The following MMD2 variants were observed in gnomAD, a reference collection of about 807,000 sequenced individuals.
MMD2 encodes monocyte to macrophage differentiation factor 2.
Under a neutral mutation model 33.5 loss-of-function variants are expected in MMD2, and 30 were observed. That is an observed-to-expected ratio of 0.90 (90% CI 0.67 to 1.22). The LOEUF (loss-of-function observed/expected upper bound fraction) is 1.22. Among genes scored for constraint, MMD2 ranks in the 50% most tolerant of loss-of-function variants. The probability of loss-of-function intolerance (pLI) is 0.00; values close to 1 mark genes in which losing one functional copy is unlikely to be tolerated. For missense variants in MMD2, 364 were observed against 325.4 expected, an observed-to-expected ratio of 1.12 and a Z score of -0.91; for synonymous variants, 129 against 123.0, an observed-to-expected ratio of 1.05 and a Z score of -0.32.
chr7:4,930,320 C>T (rs1486668342), intron 1 of MMD2, among the ~76,000 whole-genome samples: 54 of 146,902 alleles, frequency 3.7e-4, no homozygotes, highest in African/African-American at 1.3e-3. Context: ...GGTGGGCCCC[C>T]ATCCAATATG....
chr7:4,921,074 G>C (rs906783873), intron 2 of MMD2, among the ~76,000 whole-genome samples: 1 of 152,118 alleles, frequency 6.6e-6, no homozygotes, highest in Non-Finnish European at 1.5e-5. Context: ...GGACAGTGCA[G>C]GTCTAGATCT....
chr7:4,910,086 A>G (rs1232438839), intron 5 of MMD2, 136 bp from the exon 6 acceptor site: 36 of 1,584,602 alleles, frequency 2.3e-5, no homozygotes, highest in Non-Finnish European at 3.1e-5. Flanking sequence ...TCTGTCCAGC[A>G]CGCCTTGGCT....
Position 4,907,453 on chromosome 7 carries a change from A to G in MMD2, c.684T>C (p.Tyr228=). 1.2e-6 allele frequency: 2 copies of G among 1,614,016 alleles called. No individual in the cohort carries two copies. The highest frequency in any genetic ancestry group is 1.1e-5 in the South Asian group (1 of 91,084). The change falls in exon 7 of 7, where the codon TAT becomes TAC. Residue 228 remains tyrosine, a synonymous_variant. Transcript: ENST00000401401. Reference sequence around the variant, plus strand: ...GCAGATAGAGGTACCTCCAGATGGCATAGTAGTGGGTACCAGCACCAAATG... The same window carrying G: ...GCAGATAGAGGTACCTCCAGATGGCGTAGTAGTGGGTACCAGCACCAAATG... The part of the protein sequence containing the change: ...FVAFGAGTHY[Y]AIWRYLYLPS...
intron 1 of MMD2, among the ~76,000 whole-genome samples, chr7:4,936,319 A>G (rs920092319): frequency 6.6e-6 from 1 of 152,200 alleles, no homozygotes; most frequent in African/African-American, 2.4e-5. Flanking sequence ...TAAAACACAC[A>G]CACACCCCAA....
intron 1 of MMD2, among the ~76,000 whole-genome samples, chr7:4,945,185 T>TTTCTTCTTCTTCTTCTTCTTCCTCTTC (rs1786026777): frequency 1.1e-5 from 1 of 93,480 alleles, no homozygotes; most frequent in African/African-American, 4.0e-5. Flanking sequence ...CCTCTTCCTC[T>TTTCTTCTTCTTCTTCTTCTTCCTCTTC]TTCTTCTTCT....
intron 1 of MMD2, among the ~76,000 whole-genome samples, chr7:4,945,184 C>CT (rs773017991): frequency 3.2e-5 from 1 of 31,624 alleles, no homozygotes; most frequent in East Asian, 1.4e-3. Context: ...TCCTCTTCCT[C>CT]TTTCTTCTTC....
chr7:4,893,364 TTTTATTTATTTATTTA>T, the MMD2 span, among the ~76,000 whole-genome samples: 26 of 143,050 alleles, frequency 1.8e-4, no homozygotes, highest in African/African-American at 4.4e-4. Flanking sequence ...TGGTTATTTC[TTTTATTTATTTATTTA>T]TTTATTTATT....
chr7:4,915,118 A>C (rs774144140), intron 4 of MMD2, among the ~76,000 whole-genome samples: 3 of 151,916 alleles, frequency 2.0e-5, no homozygotes, highest in Non-Finnish European at 4.4e-5. Flanking sequence ...CAAAAATAAA[A>C]ATATTAGCCA....
intron 1 of MMD2, among the ~76,000 whole-genome samples, chr7:4,955,456 A>G (rs895528083): frequency 6.6e-6 from 1 of 152,192 alleles, no homozygotes; most frequent in African/African-American, 2.4e-5. Flanking sequence ...CTCTCACCAC[A>G]GAAGATACCA....
At chr7:4,931,860 C>T (rs895710988) in intron 1 of MMD2, among the ~76,000 whole-genome samples, 2 of 152,148 alleles carry the variant, frequency 1.3e-5, no homozygotes, top group Non-Finnish European at 2.9e-5. Context: ...CCACCGTGCC[C>T]GGCCTCACAG....
At chr7:4,932,607 C>T (rs1785620132) in intron 1 of MMD2, among the ~76,000 whole-genome samples, 1 of 149,690 alleles carries the variant, frequency 6.7e-6, no homozygotes, top group African/African-American at 2.4e-5. Context: ...GGCCCTGTCC[C>T]CTGTCCTCTG....
chr7:4,923,323 C>T (rs934963732), intron 2 of MMD2, among the ~76,000 whole-genome samples: 12 of 152,152 alleles, frequency 7.9e-5, no homozygotes, highest in Admixed American at 1.3e-4. Context: ...AGGCTGGTCT[C>T]GAACTCCCAA....
intron 1 of MMD2, among the ~76,000 whole-genome samples, chr7:4,939,191 G>A (rs534553858): frequency 3.3e-5 from 5 of 151,484 alleles, no homozygotes; most frequent in African/African-American, 1.2e-4. Flanking sequence ...GACAGGGCGA[G>A]ACTCCGTCTC....
At chr7:4,935,297 A>C (rs1000092962) in intron 1 of MMD2, among the ~76,000 whole-genome samples, 6 of 152,134 alleles carry the variant, frequency 3.9e-5, no homozygotes, top group African/African-American at 1.4e-4. Context: ...CGCTGCAGTG[A>C]GCTATGATCG....
chr7:4,938,002 C>CTTTTTTTTTTTTTTTTTTTTTTTTTT (rs1165504272), intron 1 of MMD2, among the ~76,000 whole-genome samples: 22 of 45,660 alleles, frequency 4.8e-4, no homozygotes, highest in East Asian at 1.8e-3. Context: ...TTCTTTCTTT[C>CTTTTTTTTTTTTTTTTTTTTTTTTTT]TTTTTTTTTT....
chr7:4,922,661 A>C (rs1018273621), intron 2 of MMD2, among the ~76,000 whole-genome samples: 3 of 151,720 alleles, frequency 2.0e-5, no homozygotes, highest in Admixed American at 2.0e-4. Context: ...TGCAGCCTCG[A>C]CATCCTGGGT....
downstream of MMD2, among the ~76,000 whole-genome samples, chr7:4,903,500 C>T (rs961325201): frequency 2.6e-5 from 4 of 152,174 alleles, no homozygotes; most frequent in African/African-American, 4.8e-5. Context: ...GCTTCCAATC[C>T]AGTGGGAAAG....
At chr7:4,904,007 A>T (rs528557223), downstream of MMD2, among the ~76,000 whole-genome samples, 6 of 152,086 alleles carry the variant, frequency 3.9e-5, no homozygotes, top group Non-Finnish European at 5.9e-5. Flanking sequence ...ATCTTGGCTC[A>T]CTACAACCTC....
intron 1 of MMD2, among the ~76,000 whole-genome samples, chr7:4,945,241 T>TTCTTCTTC (rs1562493940): frequency 4.3e-4 from 64 of 147,560 alleles, no homozygotes; most frequent in African/African-American, 1.6e-3. Flanking sequence ...TTCTTCTTCC[T>TTCTTCTTC]CTCTCTCTTT....
Sources: gnomAD v4.1 joint callset for allele counts (sites outside exome capture counted in the v4.1 genomes callset) on GRCh38, gnomAD v4.1.1 for gene constraint, MANE v1.5 for transcripts, NCBI Gene and HGNC (gene_info 2026-07-23, HGNC 2026-07-21) for gene names.